CBL: variants seen among roughly 807,000 people sequenced by gnomAD.
The protein encoded by CBL is Cbl proto-oncogene, also known as E3 ubiquitin-protein ligase CBL.
Under a neutral mutation model 96.9 loss-of-function variants are expected in CBL, and 45 were observed. The observed-to-expected ratio is 0.46, with a 90% CI of 0.37 to 0.60. The LOEUF (loss-of-function observed/expected upper bound fraction) is 0.60. Ranked by LOEUF, CBL falls within the 20% of genes least tolerant of loss-of-function variation. CBL has a pLI of 0.00. For synonymous variants in CBL, 420 were observed against 426.8 expected, an observed-to-expected ratio of 0.98 and a Z score of 0.20; for missense variants, 1,024 against 1,143.5, an observed-to-expected ratio of 0.90 and a Z score of 1.51.
At chr11:119,218,183 G>A (rs967136714) in intron 1 of CBL, among the ~76,000 whole-genome samples, 5 of 152,144 alleles carry the variant, frequency 3.3e-5, no homozygotes, top group African/African-American at 9.7e-5. Context: ...GTAGTTGCTG[G>A]GGAGTTAAAG....
intron 9 of CBL, among the ~76,000 whole-genome samples, chr11:119,282,047 G>T (rs1054441532): frequency 6.6e-6 from 1 of 152,050 alleles, no homozygotes; most frequent in Non-Finnish European, 1.5e-5. Context: ...TATGATAAAA[G>T]AATATTGCGG....
chr11:119,292,818 C>T (rs953685598), intron 12 of CBL, among the ~76,000 whole-genome samples: 1 of 149,352 alleles, frequency 6.7e-6, no homozygotes, highest in African/African-American at 2.5e-5. Context: ...TGTGTAGATA[C>T]GGGGTTTTGC....
At chr11:119,224,700 C>T (rs1949441598) in intron 1 of CBL, among the ~76,000 whole-genome samples, 1 of 151,926 alleles carries the variant, frequency 6.6e-6, no homozygotes, top group Non-Finnish European at 1.5e-5. Flanking sequence ...AAGCGATTCT[C>T]CTGCGTCAGC....
At chr11:119,211,723 C>T (rs897405169) in intron 1 of CBL, among the ~76,000 whole-genome samples, 1 of 151,972 alleles carries the variant, frequency 6.6e-6, no homozygotes, top group Non-Finnish European at 1.5e-5. Flanking sequence ...AGGCTGGTCT[C>T]GAACTCCTGA....
intron 12 of CBL, among the ~76,000 whole-genome samples, chr11:119,293,862 G>T (rs944450021): frequency 2.0e-5 from 3 of 152,148 alleles, no homozygotes; most frequent in Non-Finnish European, 4.4e-5. Context: ...ATATGAAGGT[G>T]GTAACTAAGT....
rs1289802322 is a variant in CBL, at chr11:119,304,519, C to A, written c.*4738C>A. The A allele has an allele frequency of 4.3e-6, 1 of 233,048 alleles. No individual in the cohort carries two copies. The highest frequency in any genetic ancestry group is 8.5e-6 in the Non-Finnish European group (1 of 118,004). 14.4% of individuals were successfully genotyped at this position (233,048 alleles called of 1,614,324 possible). Reference sequence around the variant, plus strand: ...GCACCTAGTCCTTTCTCCCGCTTCACAGTCTGCTTATGGTATATGTGGCCC... The same window carrying A: ...GCACCTAGTCCTTTCTCCCGCTTCAAAGTCTGCTTATGGTATATGTGGCCC... On this transcript the variant is annotated 3_prime_UTR_variant, in exon 16 of 16. Coordinates refer to ENST00000264033, the MANE Select transcript of CBL (RefSeq NM_005188.4).
At chr11:119,287,749 G>A in intron 11 of CBL, 103 bp from the exon 12 acceptor site, 1 of 794,278 alleles carries the variant, frequency 1.3e-6, no homozygotes, top group Middle Eastern at 2.2e-4. Flanking sequence ...GGCATTGAGA[G>A]TTAGGTTTGT....
At chr11:119,243,886 G>C (rs761801330) in intron 2 of CBL, among the ~76,000 whole-genome samples, 2 of 151,832 alleles carry the variant, frequency 1.3e-5, no homozygotes, top group Non-Finnish European at 2.9e-5. Context: ...GTACCACCAT[G>C]CCTGGCTCGT....
rs1949908644 is a variant in CBL at position 119,278,586 on chromosome 11, A to G, written c.1304A>G (p.Asp435Gly). 1 of 1,613,952 alleles carries G rather than the reference A, an allele frequency of 6.2e-7. No individual in the cohort carries two copies. The highest frequency in any genetic ancestry group is 1.3e-5 in the African/African-American group (1 of 74,886). ...GAACCCATCGTGGTAGATCCGTTTG[A>G]TCCTAGAGGGAGTGGCAGCCTGTTG... The part of the protein sequence containing the change: ...GTEPIVVDPF[D>G]PRGSGSLLRQ... Residue 435 changes from aspartate to glycine, a missense_variant, in exon 9 of 16, where the codon GAT becomes GGT. By Grantham distance (94) the Asp-to-Gly change is moderately conservative (BLOSUM62 -1). Transcript: ENST00000264033.
chr11:119,242,323 C>T (rs975044272), intron 2 of CBL, among the ~76,000 whole-genome samples: 1 of 151,794 alleles, frequency 6.6e-6, no homozygotes, highest in Non-Finnish European at 1.5e-5. Flanking sequence ...CGTTGGATCA[C>T]CTGAGGTCAG....
rs2135300015 is a variant in CBL at position 119,274,731 on chromosome 11, C to G, written c.748-101C>G. 3 of 1,116,500 alleles carry G rather than the reference C, an allele frequency of 2.7e-6. No homozygotes were observed. In the Admixed American group the frequency reaches 5.6e-5, roughly 21 times the overall value. The allele number at this position is 1,116,500 out of a possible 1,614,324, so 69.2% of individuals were successfully genotyped here. ...TGATGGTATAATTAAAAATTTCTGA[C>G]AATGAACTGAGAGTTGGTGTTGTTT... On this transcript the variant is annotated intron_variant, in intron 4 of 15. Coordinates refer to ENST00000264033, the MANE Select transcript of CBL (RefSeq NM_005188.4).
intron 14 of CBL, among the ~76,000 whole-genome samples, chr11:119,297,968 C>T (rs1049298463): frequency 6.6e-6 from 1 of 152,012 alleles, no homozygotes; most frequent in Admixed American, 6.5e-5. Flanking sequence ...GGGTGGTGAA[C>T]ACTCAATTCC....
chr11:119,304,711 C>T lies in CBL; in HGVS notation c.*4930C>T, dbSNP rs1229091593. 4.9e-6 allele frequency: 1 copy of T among 205,712 alleles called. No homozygotes were observed. Among genetic ancestry groups the T allele is most frequent in the African/African-American group, 2.3e-5 (1 of 43,734 alleles). 12.7% of individuals were successfully genotyped at this position (205,712 alleles called of 1,614,324 possible). On this transcript the variant is annotated 3_prime_UTR_variant, in exon 16 of 16. Coordinates refer to ENST00000264033, the MANE Select transcript of CBL (RefSeq NM_005188.4). ...GTGCAGTCTCAACTCACCACAACCT[C>T]TGCCTCCCAGGTTCAAGCAGTTCTC...
intron 1 of CBL, among the ~76,000 whole-genome samples, chr11:119,209,582 A>T (rs1592366283): frequency 6.6e-6 from 1 of 151,828 alleles, no homozygotes; most frequent in Non-Finnish European, 1.5e-5. Context: ...GCACCACTGC[A>T]CTCTAGCCTG....
chr11:119,228,464 G>A (rs921189897), intron 1 of CBL, among the ~76,000 whole-genome samples: 2 of 152,062 alleles, frequency 1.3e-5, no homozygotes, highest in Non-Finnish European at 2.9e-5. Flanking sequence ...AAATTAGCCG[G>A]GCATGGTGGC....
rs1455323320 is a variant in CBL, at chr11:119,306,584, C to T, written c.*6803C>T. ...CTCCCTCCTCTCTACCTACCTCTGA[C>T]CTTCTTGTGGGTGAGGGTGGCCATG... On this transcript the variant is annotated 3_prime_UTR_variant, in exon 16 of 16. Transcript: ENST00000264033. 1 of 386,622 alleles carries T rather than the reference C, an allele frequency of 2.6e-6. No homozygotes were observed. The allele number at this position is 386,622 out of a possible 1,614,324, so 23.9% of individuals were successfully genotyped here.
intron 2 of CBL, among the ~76,000 whole-genome samples, chr11:119,262,674 T>C (rs1402800428): frequency 6.6e-6 from 1 of 152,218 alleles, no homozygotes; most frequent in Non-Finnish European, 1.5e-5. Flanking sequence ...AGAGATACTT[T>C]CCCTGCCTCT....
At chr11:119,210,294 TGAGCTTGG>T (rs1949306021) in intron 1 of CBL, among the ~76,000 whole-genome samples, 1 of 152,018 alleles carries the variant, frequency 6.6e-6, no homozygotes, top group Non-Finnish European at 1.5e-5. Flanking sequence ...GAGGATCACT[TGAGCTTGG>T]GAGATAGAGG....
At chr11:119,281,834 T>G (rs527966610) in intron 9 of CBL, among the ~76,000 whole-genome samples, 17 of 152,120 alleles carry the variant, frequency 1.1e-4, no homozygotes, top group Non-Finnish European at 1.9e-4. Flanking sequence ...CATCCTTGAT[T>G]TGATGAAAAT....
Sources: allele counts gnomAD v4.1 joint callset (sites outside exome capture counted in the v4.1 genomes callset), GRCh38; gene constraint gnomAD v4.1.1; transcripts MANE v1.5; gene names NCBI Gene and HGNC (gene_info 2026-07-23, HGNC 2026-07-21).